SPECC1: variants seen among roughly 807,000 people sequenced by gnomAD.
The protein encoded by SPECC1 is cytospin-B.
A neutral mutation model predicts 104.1 loss-of-function variants in SPECC1; 62 were observed. The ratio of observed to expected loss-of-function variants is 0.60; its 90% CI spans 0.49 to 0.74. The LOEUF (loss-of-function observed/expected upper bound fraction) is 0.74. Among genes scored for constraint, SPECC1 ranks in the 30% least tolerant of loss-of-function variants. The pLI is 0.00. For synonymous variants in SPECC1, 513 were observed against 501.6 expected (o/e 1.02, Z -0.30); for missense variants, 1,306 against 1,310.5 (o/e 1.00, Z 0.05).
At chr17:20,195,143 T>G (rs2035944083) in intron 3 of SPECC1, among the ~76,000 whole-genome samples, 1 of 152,208 alleles carries the variant, frequency 6.6e-6, no homozygotes, top group Non-Finnish European at 1.5e-5. Context: ...GTTTTTCCTC[T>G]ATTCTGTTGT....
In SPECC1 at chr17:20,317,047, C is replaced by T. The variant is rs1034596579; in HGVS notation, c.*2982C>T. On this transcript the variant is annotated 3_prime_UTR_variant, in exon 15 of 15. Transcript: ENST00000395527. Reference sequence around the variant, plus strand: ...ATTTTTACAACTCCAGGAGTTTCCCCGACTACCATTTTTTTTTTTTTTATT... The same window carrying T: ...ATTTTTACAACTCCAGGAGTTTCCCTGACTACCATTTTTTTTTTTTTTATT... 117 of 162,728 alleles carry T rather than the reference C, an allele frequency of 7.2e-4. No homozygotes were observed. The highest frequency in any genetic ancestry group is 4.4e-4 in the Non-Finnish European group (39 of 88,422). 10.1% of individuals were successfully genotyped at this position (162,728 alleles called of 1,614,324 possible).
At chr17:20,228,332 T>C (rs918949243) in intron 5 of SPECC1, among the ~76,000 whole-genome samples, 5 of 152,104 alleles carry the variant, frequency 3.3e-5, no homozygotes, top group Non-Finnish European at 5.9e-5. Context: ...GGATTACAGG[T>C]GTGAGCCACC....
intron 4 of SPECC1, among the ~76,000 whole-genome samples, chr17:20,215,831 C>T (rs559701631): frequency 2.6e-5 from 4 of 152,264 alleles, no homozygotes; most frequent in Non-Finnish European, 5.9e-5. Context: ...AGTCTCTATT[C>T]TTATGGCTGC....
chr17:20,256,134 C>G (rs1172896088), intron 10 of SPECC1, among the ~76,000 whole-genome samples: 1 of 152,168 alleles, frequency 6.6e-6, no homozygotes, highest in African/African-American at 2.4e-5. Flanking sequence ...ACCTCGGCCT[C>G]CCAAAGTGCT....
At chr17:20,047,073 A>C (rs2045568517) in intron 1 of SPECC1, among the ~76,000 whole-genome samples, 1 of 152,224 alleles carries the variant, frequency 6.6e-6, no homozygotes, top group South Asian at 2.1e-4. Context: ...GTTCCCATTA[A>C]TGAGCACATT....
At chr17:20,202,157 A>G (rs540363249) in intron 3 of SPECC1, among the ~76,000 whole-genome samples, 16 of 152,380 alleles carry the variant, frequency 1.1e-4, no homozygotes, top group African/African-American at 3.8e-4. Flanking sequence ...AACTGCATAC[A>G]ATTAACTGTA....
intron 12 of SPECC1, among the ~76,000 whole-genome samples, chr17:20,270,289 A>G (rs1467170707): frequency 6.6e-6 from 1 of 150,550 alleles, no homozygotes; most frequent in Non-Finnish European, 1.5e-5. Context: ...TTTTACCTTA[A>G]TTTTTTTTAA....
intron 7 of SPECC1, among the ~76,000 whole-genome samples, chr17:20,243,072 C>A (rs892205691): frequency 6.6e-6 from 1 of 152,286 alleles, no homozygotes; most frequent in African/African-American, 2.4e-5. Flanking sequence ...TGTGAGACTT[C>A]TGGAGAGTTG....
chr17:20,074,611 A>G (rs2046684916), intron 1 of SPECC1, among the ~76,000 whole-genome samples: 1 of 152,124 alleles, frequency 6.6e-6, no homozygotes, highest in East Asian at 1.9e-4. Flanking sequence ...ATAGAATGCT[A>G]AGGTGCTGCT....
chr17:20,296,958 C>A lies in SPECC1; in HGVS notation c.2941-3C>A. ...TGTTTATTACTACTTTTCTCTCCTG[C>A]AGAACATTGACATCACCAATTTCAG... is the stretch of plus-strand genomic sequence containing the variant. On this transcript the variant is annotated splice_polypyrimidine_tract_variant and splice_region_variant and intron_variant, in intron 12 of 14. Transcript: ENST00000395527. 6.2e-7 allele frequency: 1 copy of A among 1,613,920 alleles called. No individual in the cohort carries two copies. Among genetic ancestry groups the A allele is most frequent in the Non-Finnish European group, 8.5e-7 (1 of 1,179,816 alleles).
rs572392855 is a variant in SPECC1, at chr17:20,240,357, A to T, written c.2352-5569A>T. Among the ~76,000 whole-genome samples the T allele has an allele frequency of 2.0e-5, 3 of 151,800 alleles. No individual in the cohort carries two copies. In the East Asian group the frequency reaches 5.8e-4, roughly 29 times the overall value. On this transcript the variant is annotated intron_variant, in intron 7 of 14. Transcript: ENST00000395527. Reference sequence around the variant, plus strand: ...CTTATAAGTCAGTATTTTATTAGGGATACGGTTGTATCCCCTATATTATGA... The same window carrying T: ...CTTATAAGTCAGTATTTTATTAGGGTTACGGTTGTATCCCCTATATTATGA...
In SPECC1 at chr17:20,120,922, C is replaced by T. The variant is rs78389768; in HGVS notation, c.283+10360C>T. 3.3e-3 allele frequency among the ~76,000 whole-genome samples: 495 copies of T among 152,286 alleles called. 19 individuals are homozygous for T. In the East Asian group the frequency reaches 0.083, roughly 26 times the overall value. On this transcript the variant is annotated intron_variant, in intron 3 of 14. Transcript: ENST00000395527. ...TATTGTCTCAGCCTTGCCTAGGGCG[C>T]CAACTTGCCATCTGTCATGGGTGGT...
intron 1 of SPECC1, among the ~76,000 whole-genome samples, chr17:20,093,739 T>TG (rs1338908839): frequency 8.5e-6 from 1 of 117,162 alleles, no homozygotes; most frequent in African/African-American, 3.1e-5. Context: ...TTTTGTTTTT[T>TG]TTTTTTTTGG....
chr17:20,312,212 G>A (rs2041951213), intron 14 of SPECC1, among the ~76,000 whole-genome samples: 1 of 152,124 alleles, frequency 6.6e-6, no homozygotes, highest in Admixed American at 6.6e-5. Flanking sequence ...GTATTTGATA[G>A]AATTCACAAG....
chr17:20,012,415 T>C (rs1004967341), intron 1 of SPECC1, among the ~76,000 whole-genome samples: 1 of 152,050 alleles, frequency 6.6e-6, no homozygotes, highest in Middle Eastern at 3.2e-3. Flanking sequence ...ATATTTTTCT[T>C]TAAATGTTGT....
At chr17:20,230,117 C>A (rs1755681173) in intron 5 of SPECC1, among the ~76,000 whole-genome samples, 1 of 151,860 alleles carries the variant, frequency 6.6e-6, no homozygotes, top group Admixed American at 6.5e-5. Context: ...TTTATAGAGA[C>A]ATTGGCAGAT....
chr17:20,227,359 A>G, intron 4 of SPECC1, 54 bp from the exon 5 acceptor site: 3 of 1,517,810 alleles, frequency 2.0e-6, no homozygotes, highest in South Asian at 1.2e-5. Context: ...TGTACAGATC[A>G]CTGTGGGAAT....
intron 3 of SPECC1, among the ~76,000 whole-genome samples, chr17:20,161,975 A>G (rs1227697468): frequency 6.6e-6 from 1 of 150,484 alleles, no homozygotes; most frequent in African/African-American, 2.5e-5. Context: ...TTGTATTTTT[A>G]GTAGAGACGG....
intron 1 of SPECC1, among the ~76,000 whole-genome samples, chr17:20,065,480 C>T (rs1256138356): frequency 1.3e-5 from 2 of 152,182 alleles, no homozygotes; most frequent in African/African-American, 2.4e-5. Flanking sequence ...TAAAGGATAT[C>T]GCAAAGGATA....
Sources: allele counts gnomAD v4.1 joint callset (sites outside exome capture counted in the v4.1 genomes callset), GRCh38; gene constraint gnomAD v4.1.1; transcripts MANE v1.5; gene names NCBI Gene and HGNC (gene_info 2026-07-23, HGNC 2026-07-21).